CHRNA6: variants seen among roughly 807,000 people sequenced by gnomAD.
The protein encoded by CHRNA6 is cholinergic receptor nicotinic alpha 6 subunit.
Under a neutral mutation model 40.9 loss-of-function variants are expected in CHRNA6, and 31 were observed. The observed-to-expected ratio is 0.76, with a 90% CI of 0.57 to 1.02. The LOEUF is 1.02. Ranked by LOEUF, CHRNA6 falls within the 50% of genes least tolerant of loss-of-function variation. The pLI, the probability that CHRNA6 is intolerant of heterozygous loss-of-function variation, is 0.00. For missense variants in CHRNA6, 546 were observed against 596.6 expected (o/e 0.92, Z 0.88); for synonymous variants, 222 against 221.3 (o/e 1.00, Z -0.03).
At chr8:42,758,345 CCTTT>C (rs1278831456) in intron 3 of CHRNA6, among the ~76,000 whole-genome samples, 4 of 151,388 alleles carry the variant, frequency 2.6e-5, no homozygotes, top group Non-Finnish European at 5.9e-5. Flanking sequence ...ATTAAGACTT[CCTTT>C]CTGTTTTTTT....
intron 2 of CHRNA6, among the ~76,000 whole-genome samples, chr8:42,760,338 G>GCA (rs199901062): frequency 0.022 from 3,197 of 147,136 alleles, 99 homozygotes; most frequent in African/African-American, 0.076. Flanking sequence ...ACACTCATGC[G>GCA]CACACACACT....
intron 1 of CHRNA6, among the ~76,000 whole-genome samples, chr8:42,765,759 G>A (rs754038886): frequency 6.6e-6 from 1 of 152,132 alleles, no homozygotes; most frequent in Non-Finnish European, 1.5e-5. Flanking sequence ...CAACTTTGAG[G>A]ACATGAACAG....
At chr8:42,765,044 C>A (rs1816954369) in intron 2 of CHRNA6, 21 bp downstream of exon 2, 8 of 1,611,946 alleles carry the variant, frequency 5.0e-6, no homozygotes, top group Non-Finnish European at 6.8e-6. Flanking sequence ...CTGGGGAAAG[C>A]TCTGATCAGA....
At chr8:42,755,205 G>A (rs146096624) in intron 5 of CHRNA6, among the ~76,000 whole-genome samples, 5,303 of 140,712 alleles carry the variant, frequency 0.038, 150 homozygotes, top group Non-Finnish European at 0.051. Flanking sequence ...TTTTTTGGTA[G>A]TTCAGGGTCT....
chr8:42,768,409 C>A lies in CHRNA6; in HGVS notation c.22G>T (p.Gly8Ter). 1 of 1,613,978 alleles carries A rather than the reference C, an allele frequency of 6.2e-7. No individual in the cohort carries two copies. The highest frequency in any genetic ancestry group is 8.5e-7 in the Non-Finnish European group (1 of 1,179,884). The change falls in exon 1 of 6, where the codon GGA becomes TGA. Residue 8 changes from glycine (G) to a stop codon, truncating the protein, a stop_gained. Coordinates refer to ENST00000276410, the MANE Select transcript of CHRNA6 (RefSeq NM_004198.3). LOFTEE classifies it high-confidence loss of function. MLTSKGQ[G>*]FLHGGLCLWL... Reference sequence around the variant, plus strand: ...AGACACAAGCCCCCATGAAGGAATCCCTGCCCCTTGCTGGTCAGCATGGTT... The same window carrying A: ...AGACACAAGCCCCCATGAAGGAATCACTGCCCCTTGCTGGTCAGCATGGTT...
In CHRNA6 at chr8:42,756,252, A is replaced by G. The variant is rs1816797281; in HGVS notation, c.947T>C (p.Leu316Pro). 2.5e-6 allele frequency: 4 copies of G among 1,614,234 alleles called. No homozygotes were observed. Among genetic ancestry groups the G allele is most frequent in the Non-Finnish European group, 3.4e-6 (4 of 1,180,022 alleles). ...YLLFTMIFVT[L>P]SIVVTVFVLN... ...CACAAACACAGTCACCACGATGGAC[A>G]GTGTGACAAAGATCATGGTGAACAG... The change falls in exon 5 of 6, where the codon CTG becomes CCG. Residue 316 changes from leucine (L) to proline (P), a missense_variant. Leu to Pro is a moderately conservative substitution (Grantham distance 98). Transcript: ENST00000276410.
intron 2 of CHRNA6, among the ~76,000 whole-genome samples, chr8:42,763,894 G>A (rs1419254989): frequency 1.3e-5 from 2 of 152,104 alleles, no homozygotes; most frequent in Non-Finnish European, 2.9e-5. Context: ...TGTCATTAGG[G>A]TCTTTCCTCA....
intron 3 of CHRNA6, 21 bp from the exon 4 acceptor site, chr8:42,757,058 C>T: frequency 6.4e-7 from 1 of 1,570,384 alleles, no homozygotes; most frequent in Admixed American, 1.7e-5. Context: ...TAGAAATCAG[C>T]TTTTAAAATT....
intron 1 of CHRNA6, among the ~76,000 whole-genome samples, chr8:42,766,615 A>G (rs1233977127): frequency 6.6e-6 from 1 of 152,220 alleles, no homozygotes; most frequent in Non-Finnish European, 1.5e-5. Flanking sequence ...TGAAGCCGTT[A>G]TCCTCAGCAA....
At chr8:42,768,054 C>T (rs1477696706) in intron 1 of CHRNA6, among the ~76,000 whole-genome samples, 1 of 152,066 alleles carries the variant, frequency 6.6e-6, no homozygotes, top group Non-Finnish European at 1.5e-5. Flanking sequence ...AATAAATAAG[C>T]TCAATACAGC....
intron 5 of CHRNA6, among the ~76,000 whole-genome samples, chr8:42,753,982 G>A (rs1043839746): frequency 3.9e-5 from 6 of 152,154 alleles, no homozygotes; most frequent in Non-Finnish European, 1.5e-5. Context: ...CACTGGGGGC[G>A]GAGGACATGG....
chr8:42,763,218 C>T (rs1816929534), intron 2 of CHRNA6, among the ~76,000 whole-genome samples: 1 of 152,184 alleles, frequency 6.6e-6, no homozygotes, highest in Non-Finnish European at 1.5e-5. Context: ...TTGGTCACTG[C>T]TGCCTCATCT....
intron 1 of CHRNA6, 101 bp from the exon 2 acceptor site, chr8:42,765,305 C>T: frequency 7.5e-7 from 1 of 1,325,118 alleles, no homozygotes; most frequent in Non-Finnish European, 1.1e-6. Flanking sequence ...AGCGAATGTC[C>T]CAGCCCATGA....
Position 42,756,197 on chromosome 8 carries a change from C to T in CHRNA6, c.1002G>A (p.Thr334=), listed in dbSNP as rs775611153. Reference sequence around the variant, plus strand: ...TCTTCACCCACCTGGGCATTGTGTGCGTGGTTGGGGTGCGGTAGTGTATGT... The same window carrying T: ...TCTTCACCCACCTGGGCATTGTGTGTGTGGTTGGGGTGCGGTAGTGTATGT... ...VLNIHYRTPT[T]HTMPRWVKTV... The change falls in exon 5 of 6, where the codon ACG becomes ACA. Residue 334 remains threonine, a synonymous_variant. Transcript: ENST00000276410. 1.7e-5 allele frequency: 28 copies of T among 1,614,070 alleles called. 1 individual carries two copies. The highest frequency in any genetic ancestry group is 3.3e-4 in the Middle Eastern group (2 of 6,084).
At chr8:42,758,926 TA>T (rs1816853007) in intron 3 of CHRNA6, 142 bp downstream of exon 3, 1 of 657,214 alleles carries the variant, frequency 1.5e-6, no homozygotes, top group East Asian at 2.7e-5. Flanking sequence ...AGTCAGCTAT[TA>T]CCAGAGCTGA....
In CHRNA6 at chr8:42,765,212, G is replaced by A; in HGVS notation, c.80-8C>T. 1.2e-6 allele frequency: 2 copies of A among 1,612,984 alleles called. No homozygotes were observed. The highest frequency in any genetic ancestry group is 1.7e-6 in the Non-Finnish European group (2 of 1,179,342). ...TTGCACAGCCCACACAGCCTGTGAG[G>A]CCAAACAAAGGGGAGAGTTAGAGCC... On this transcript the variant is annotated splice_polypyrimidine_tract_variant and splice_region_variant and intron_variant, in intron 1 of 5. Transcript: ENST00000276410.
rs200852535 is a variant in CHRNA6, at chr8:42,756,973, A to G, written c.329T>C (p.Val110Ala). Reference sequence around the variant, plus strand: ...GGGCTTCCAAATCTTATCTGCAGGAACGCGAAGAGTCTCAATGCCATCATA... The same window carrying G: ...GGGCTTCCAAATCTTATCTGCAGGAGCGCGAAGAGTCTCAATGCCATCATA... ...MEYDGIETLR[V>A]PADKIWKPDI... is the part of the protein sequence containing the mutation. The change falls in exon 4 of 6, where the codon GTT (valine) becomes GCT (alanine). Residue 110 changes from valine to alanine, a missense_variant. By Grantham distance (64) the Val-to-Ala change is moderately conservative. Coordinates refer to ENST00000276410, the MANE Select transcript of CHRNA6 (RefSeq NM_004198.3). The G allele has an allele frequency of 6.2e-7, 1 of 1,614,110 alleles. No homozygotes were observed. Among genetic ancestry groups the G allele is most frequent in the Non-Finnish European group, 8.5e-7 (1 of 1,179,928 alleles).
chr8:42,760,845 A>G (rs1586427137), intron 2 of CHRNA6, among the ~76,000 whole-genome samples: 1 of 152,204 alleles, frequency 6.6e-6, no homozygotes, highest in Non-Finnish European at 1.5e-5. Context: ...ACCACCTCTC[A>G]GTGGGAGAAC....
intron 1 of CHRNA6, among the ~76,000 whole-genome samples, chr8:42,767,001 T>C (rs1484293317): frequency 6.6e-6 from 1 of 152,254 alleles, no homozygotes; most frequent in African/African-American, 2.4e-5. Context: ...AGTCTCGCTC[T>C]GTTGCCCAGG....
Sources: allele counts gnomAD v4.1 joint callset (sites outside exome capture counted in the v4.1 genomes callset), GRCh38; gene constraint gnomAD v4.1.1; transcripts MANE v1.5; gene names NCBI Gene and HGNC (gene_info 2026-07-23, HGNC 2026-07-21).